The following PLEKHG3 variants were observed in gnomAD, a reference collection of about 807,000 sequenced individuals.
PLEKHG3 encodes the protein pleckstrin homology domain-containing family G member 3.
A neutral mutation model predicts 94.9 loss-of-function variants in PLEKHG3; 62 were observed. That is an observed-to-expected ratio of 0.65 (90% CI 0.53 to 0.81). The LOEUF is 0.81. Ranked by LOEUF, PLEKHG3 falls within the 30% of genes least tolerant of loss-of-function variation. The pLI is 0.00. For missense variants in PLEKHG3, 1,461 were observed against 1,619.3 expected (o/e 0.90, Z 1.68); for synonymous variants, 614 against 654.0 (o/e 0.94, Z 0.93).
chr14:64,743,140 C>T lies in PLEKHG3; in HGVS notation c.3097C>T (p.Pro1033Ser). ...GAGGACCACCTCGCCTGGGGGCCGG[C>T]CCTCCGCCCGGAGCCCCCTCAGCCC... ...SQRTTSPGGR[P>S]SARSPLSPTE... is the part of the protein sequence containing the mutation. The change falls in exon 17 of 17, where the codon CCC (proline) becomes TCC (serine). Residue 1033 changes from proline (P) to serine (S), a missense_variant. Physicochemically the swap from Pro to Ser is moderately conservative, Grantham distance 74. This residue lies in a region of PLEKHG3 where 1,201 missense variants were observed against 1,295.5 expected (regional missense o/e 0.93). Coordinates refer to ENST00000247226, the MANE Select transcript of PLEKHG3 (RefSeq NM_001308147.2). The surrounding 1 kb of genome is among the most constrained non-coding windows in gnomAD (Gnocchi z 7.2). 6.2e-7 allele frequency: 1 copy of T among 1,611,420 alleles called. No homozygotes were observed. The highest frequency in any genetic ancestry group is 8.5e-7 in the Non-Finnish European group (1 of 1,179,778).
In PLEKHG3 at chr14:64,732,718, A is replaced by C. The variant is rs961292819; in HGVS notation, c.1247-85A>C. 3.9e-6 allele frequency: 4 copies of C among 1,025,378 alleles called. No homozygotes were observed. The African/African-American group carries it at 6.4e-5, about 16-fold the overall frequency. The allele number at this position is 1,025,378 out of a possible 1,614,324, so 63.5% of individuals were successfully genotyped here. A position where few individuals can be genotyped will look rare whatever the true frequency, so the allele number is the denominator to read the frequency against. On this transcript the variant is annotated intron_variant, in intron 11 of 16. Coordinates refer to ENST00000247226, the MANE Select transcript of PLEKHG3 (RefSeq NM_001308147.2). The surrounding 1 kb of genome is among the most constrained non-coding windows in gnomAD (Gnocchi z 4.9). ...TGGCCCTGGAGCTGGGTGGGTATAG[A>C]GGTCTGGCTGGTTATGGACAGGGTC...
chr14:64,710,809 G>A (rs1453484626), intron 1 of PLEKHG3, among the ~76,000 whole-genome samples: 2 of 151,506 alleles, frequency 1.3e-5, no homozygotes, highest in Admixed American at 6.6e-5. Flanking sequence ...CAGAAGTGCC[G>A]GGGATCTTTT....
At chr14:64,714,779 G>A (rs1262625790) in intron 1 of PLEKHG3, among the ~76,000 whole-genome samples, 1 of 152,176 alleles carries the variant, frequency 6.6e-6, no homozygotes, top group African/African-American at 2.4e-5. Context: ...CACTGGGGAT[G>A]CCTTTTTCTC....
At position 64,731,180 on chromosome 14, in the gene PLEKHG3, G is replaced by A. The variant is rs1401313877; in HGVS notation, c.849+11G>A. 6.2e-7 allele frequency: 1 copy of A among 1,604,076 alleles called. No homozygotes were observed. The highest frequency in any genetic ancestry group is 1.7e-5 in the Admixed American group (1 of 59,720). ...GCGGTCCGGCTCCAGGTGCTCTGGG[G>A]CTGGGACGCTGGGGGAGGGGCAGGG... On this transcript the variant is annotated intron_variant, in intron 7 of 16. Coordinates refer to ENST00000247226, the MANE Select transcript of PLEKHG3 (RefSeq NM_001308147.2). The surrounding 1 kb of genome is among the most constrained non-coding windows in gnomAD (Gnocchi z 6.1).
chr14:64,735,181 G>T (rs2081547179), intron 12 of PLEKHG3, among the ~76,000 whole-genome samples: 1 of 152,204 alleles, frequency 6.6e-6, no homozygotes, highest in Non-Finnish European at 1.5e-5. Context: ...CAGAGGCTGT[G>T]GGTTGCCATA....
In PLEKHG3 at chr14:64,742,171, AAG is replaced by A; in HGVS notation, c.2657_2658del (p.Glu886AlafsTer71). The A allele has an allele frequency of 6.2e-7, 1 of 1,612,672 alleles. No individual in the cohort carries two copies. Among genetic ancestry groups the A allele is most frequent in the African/African-American group, 1.3e-5 (1 of 75,062 alleles). On this transcript the variant is annotated frameshift_variant, in exon 16 of 17. Transcript: ENST00000247226. LOFTEE classifies it high-confidence loss of function. ...CCGGCCCACCTGGCCCGGGAGCTGAAAGAGCTGGTGAAGGAGCTGAGCAGCAG... is the reference window on the plus strand; with the variant it reads ...CCGGCCCACCTGGCCCGGGAGCTGAAAGCTGGTGAAGGAGCTGAGCAGCAG...
chr14:64,737,997 G>A (rs1420393329), intron 14 of PLEKHG3: 1 of 1,264,970 alleles, frequency 7.9e-7, no homozygotes, highest in Non-Finnish European at 1.0e-6. Context: ...GGAGGAGGAG[G>A]AGGAGGAAGA....
intron 16 of PLEKHG3, 76 bp downstream of exon 16, chr14:64,742,531 CG>C (rs764682438): frequency 1.9e-5 from 21 of 1,108,186 alleles, no homozygotes; most frequent in Admixed American, 2.7e-5. Context: ...CTTGGCTCCT[CG>C]GGGAAAGTGA....
intron 1 of PLEKHG3, among the ~76,000 whole-genome samples, chr14:64,709,099 A>G (rs1043131392): frequency 6.6e-6 from 1 of 152,170 alleles, no homozygotes; most frequent in African/African-American, 2.4e-5. Flanking sequence ...CTGGGGATAA[A>G]GGTTGGCCAT....
Position 64,749,840 on chromosome 14 carries a change from G to A in PLEKHG3, c.*6137G>A. 9 of 1,478,618 alleles carry A rather than the reference G, an allele frequency of 6.1e-6. No individual in the cohort carries two copies. Among genetic ancestry groups the A allele is most frequent in the Non-Finnish European group, 8.4e-6 (9 of 1,068,582 alleles). 91.6% of individuals were successfully genotyped at this position (1,478,618 alleles called of 1,614,324 possible). A position where few individuals can be genotyped will look rare whatever the true frequency, so the allele number is the denominator to read the frequency against. On this transcript the variant is annotated 3_prime_UTR_variant, in exon 17 of 17. Transcript: ENST00000247226. This position sits in a 1 kb window ranked among gnomAD's most constrained non-coding sequence, Gnocchi z 4.7. ...AGCACTTTCTGAGAGGTCAAAGTCT[G>A]GACCATCAGCCTCTTTGATTTGAAA...
Position 64,730,283 on chromosome 14 carries a change from G to A in PLEKHG3, c.490G>A (p.Val164Met), listed in dbSNP as rs1439569223. The change falls in exon 4 of 17, where the codon GTG (valine) becomes ATG (methionine). Residue 164 changes from valine to methionine, a missense_variant. By Grantham distance (21) the Val-to-Met change is conservative. This residue lies in a region of PLEKHG3 where 253 missense variants were observed against 297.8 expected (regional missense o/e 0.85). Transcript: ENST00000247226. The surrounding 1 kb of genome is among the most constrained non-coding windows in gnomAD (Gnocchi z 5.4). ...RDLDSCNSDPVAVASCFVERS... is the reference protein window; with the variant it reads ...RDLDSCNSDPMAVASCFVERS... ...CCTGGACAGCTGCAATAGTGACCCCGTGGCTGTGGCCAGCTGCTTTGTGGA... is the reference window on the plus strand; with the variant it reads ...CCTGGACAGCTGCAATAGTGACCCCATGGCTGTGGCCAGCTGCTTTGTGGA... The A allele has an allele frequency of 1.0e-5, 16 of 1,535,302 alleles. No homozygotes were observed. Among genetic ancestry groups the A allele is most frequent in the Middle Eastern group, 1.7e-4 (1 of 6,008 alleles).
intron 1 of PLEKHG3, among the ~76,000 whole-genome samples, chr14:64,707,905 C>T (rs1182659152): frequency 1.3e-5 from 2 of 152,156 alleles, no homozygotes; most frequent in East Asian, 1.9e-4. Context: ...TTACCACATG[C>T]GGCATCATGG....
chr14:64,729,857 A>G (rs959985806), intron 3 of PLEKHG3, among the ~76,000 whole-genome samples: 6 of 152,088 alleles, frequency 3.9e-5, no homozygotes, highest in African/African-American at 1.2e-4. Context: ...GTCTCTCCCC[A>G]TGTCCCACAT....
rs945792846 is a variant in PLEKHG3, at chr14:64,742,151, C to T, written c.2634C>T (p.Ala878=). 5.6e-6 allele frequency: 9 copies of T among 1,611,910 alleles called. No individual in the cohort carries two copies. In the African/African-American group the frequency reaches 1.1e-4, roughly 19 times the overall value. The change falls in exon 16 of 17, where the codon GCC becomes GCT. Residue 878 remains alanine, a synonymous_variant. Coordinates refer to ENST00000247226, the MANE Select transcript of PLEKHG3 (RefSeq NM_001308147.2). ...CTCCCACTGAGGGGCGCAGCCCGGCCCACCTGGCCCGGGAGCTGAAAGAGC... is the reference window on the plus strand; with the variant it reads ...CTCCCACTGAGGGGCGCAGCCCGGCTCACCTGGCCCGGGAGCTGAAAGAGC... The part of the protein sequence containing the change: ...SSSPTEGRSP[A]HLARELKELV...
At chr14:64,737,159 T>TGGCCCCTG in intron 13 of PLEKHG3, 197 bp from the exon 14 acceptor site, 1 of 647,328 alleles carries the variant, frequency 1.5e-6, no homozygotes, top group Non-Finnish European at 2.8e-6. Context: ...CGCTGCTCTG[T>TGGCCCCTG]GGCCCCTGGG....
chr14:64,716,449 C>CACACACACACACACA lies in PLEKHG3; in HGVS notation c.-39-11143_-39-11129dup, dbSNP rs2081148899. 7.4e-6 allele frequency among the ~76,000 whole-genome samples: 1 copy of CACACACACACACACA among 135,516 alleles called. No individual in the cohort carries two copies. The highest frequency in any genetic ancestry group is 2.9e-5 in the African/African-American group (1 of 34,312). The allele number at this position is 135,516 out of a possible 152,430, so 88.9% of individuals were successfully genotyped here. A position where few individuals can be genotyped will look rare whatever the true frequency, so the allele number is the denominator to read the frequency against. ...ATGTAGGGCCCTACACACACACACA[C>CACACACACACACACA]ACACACACACACACACAACACACAC... is the stretch of plus-strand genomic sequence containing the variant. On this transcript the variant is annotated intron_variant, in intron 1 of 16. Coordinates refer to ENST00000247226, the MANE Select transcript of PLEKHG3 (RefSeq NM_001308147.2). This position sits in a 1 kb window ranked among gnomAD's most constrained non-coding sequence, Gnocchi z 5.0.
Position 64,717,936 on chromosome 14 carries a change from C to T in PLEKHG3, c.-39-9657C>T, listed in dbSNP as rs141732278. Among the ~76,000 whole-genome samples the T allele has an allele frequency of 6.6e-6, 1 of 152,348 alleles. No individual in the cohort carries two copies. Among genetic ancestry groups the T allele is most frequent in the East Asian group, 1.9e-4 (1 of 5,178 alleles). On this transcript the variant is annotated intron_variant, in intron 1 of 16. Coordinates refer to ENST00000247226, the MANE Select transcript of PLEKHG3 (RefSeq NM_001308147.2). The surrounding 1 kb of genome is among the most constrained non-coding windows in gnomAD (Gnocchi z 4.7). The stretch of plus-strand genomic sequence containing the variant: ...GACCTGGCTTGGATCTGTCCTTTCC[C>T]ACAAAGCCACGTGGATTCCTTCCAT...
rs1339509854 is a variant in PLEKHG3, at chr14:64,729,113, ACT to A, written c.449+22_449+23del. On this transcript the variant is annotated intron_variant, in intron 3 of 16. Coordinates refer to ENST00000247226, the MANE Select transcript of PLEKHG3 (RefSeq NM_001308147.2). ...GAACAGGTGTGTGAATGGGCCTGAC[ACT>A]CACCATGTTCTGCCTGCGAGGCCCA... 2 of 1,172,080 alleles carry A rather than the reference ACT, an allele frequency of 1.7e-6. No homozygotes were observed. Among genetic ancestry groups the A allele is most frequent in the African/African-American group, 3.1e-5 (2 of 65,556 alleles). 72.6% of individuals were successfully genotyped at this position (1,172,080 alleles called of 1,614,324 possible). A position where few individuals can be genotyped will look rare whatever the true frequency, so the allele number is the denominator to read the frequency against.
rs1260053201 is a variant in PLEKHG3, at chr14:64,738,895, C to T, written c.1518+40C>T. The stretch of plus-strand genomic sequence containing the variant: ...GGTGGGATGGGGATAGTAGGAAGAA[C>T]TTGGAGTCCAGATTTTCAAGTCTGC... On this transcript the variant is annotated intron_variant, in intron 15 of 16. Coordinates refer to ENST00000247226, the MANE Select transcript of PLEKHG3 (RefSeq NM_001308147.2). This position sits in a 1 kb window ranked among gnomAD's most constrained non-coding sequence, Gnocchi z 4.8. The T allele has an allele frequency of 1.1e-5, 14 of 1,302,184 alleles. No individual in the cohort carries two copies. In the East Asian group the frequency reaches 3.5e-4, roughly 33 times the overall value. 80.7% of individuals were successfully genotyped at this position (1,302,184 alleles called of 1,614,324 possible).
Sources: allele counts gnomAD v4.1 joint callset (sites outside exome capture counted in the v4.1 genomes callset), GRCh38; gene constraint gnomAD v4.1.1; regional missense constraint gnomAD v4.1.1; non-coding constraint Gnocchi (gnomAD v3.1); transcripts MANE v1.5; gene names NCBI Gene and HGNC (gene_info 2026-07-23, HGNC 2026-07-21).